WDFY4: variants seen among roughly 807,000 people sequenced by gnomAD.
WDFY4 encodes the protein WD repeat- and FYVE domain-containing protein 4.
In WDFY4, 169 loss-of-function variants were observed where a neutral mutation model predicts 351.9. That is an observed-to-expected ratio of 0.48 (90% CI 0.42 to 0.55). The LOEUF is 0.55. WDFY4 is among the 20% of genes least tolerant of loss of function. WDFY4 has a pLI of 0.00. For missense variants in WDFY4, 3,803 were observed against 3,935.6 expected (o/e 0.97, Z 0.90); for synonymous variants, 1,622 against 1,574.6 (o/e 1.03, Z -0.71).
At chr10:48,934,743 A>G (rs939897634) in intron 47 of WDFY4, among the ~76,000 whole-genome samples, 1 of 152,200 alleles carries the variant, frequency 6.6e-6, no homozygotes, top group Non-Finnish European at 1.5e-5. Context: ...AAGCAGTCAC[A>G]GCTTAGTTTC....
Position 48,943,428 on chromosome 10 carries a change from C to T in WDFY4, c.7728C>T (p.Val2576=). The change falls in exon 49 of 62, where the codon GTC becomes GTT. Residue 2576 remains valine (V), a synonymous_variant. Transcript: ENST00000325239. ...TGCAGTACCCAGTGTTCCCCTGGGTCCTCGCAGACTACACCTCAGAGGTAA... is the reference window on the plus strand; with the variant it reads ...TGCAGTACCCAGTGTTCCCCTGGGTTCTCGCAGACTACACCTCAGAGGTAA... ...DYMQYPVFPW[V]LADYTSETLN... 3.2e-6 allele frequency: 5 copies of T among 1,551,850 alleles called. No individual in the cohort carries two copies. The highest frequency in any genetic ancestry group is 4.4e-6 in the Non-Finnish European group (5 of 1,146,988).
At chr10:48,760,584 T>A in intron 13 of WDFY4, 144 bp downstream of exon 13, 1 of 781,154 alleles carries the variant, frequency 1.3e-6, no homozygotes, top group Non-Finnish European at 2.1e-6. Flanking sequence ...ACACCTATAG[T>A]GGGAAAGTAC....
intron 2 of WDFY4, among the ~76,000 whole-genome samples, chr10:48,717,771 T>C (rs1469557375): frequency 6.6e-6 from 1 of 152,266 alleles, no homozygotes; most frequent in Non-Finnish European, 1.5e-5. Context: ...TATCCTATTA[T>C]ATAAATATAC....
intron 43 of WDFY4, among the ~76,000 whole-genome samples, chr10:48,879,267 G>T (rs1200619445): frequency 6.6e-6 from 1 of 152,188 alleles, no homozygotes; most frequent in African/African-American, 2.4e-5. Flanking sequence ...ATTTTTAATT[G>T]CCATGGCCAG....
At chr10:48,724,929 T>C (rs1434897053) in intron 5 of WDFY4, among the ~76,000 whole-genome samples, 1 of 152,200 alleles carries the variant, frequency 6.6e-6, no homozygotes, top group Non-Finnish European at 1.5e-5. Flanking sequence ...TGGGCAATGA[T>C]GGTGACAGGC....
intron 23 of WDFY4, among the ~76,000 whole-genome samples, chr10:48,791,891 C>G (rs1315373935): frequency 6.6e-6 from 1 of 152,216 alleles, no homozygotes; most frequent in Non-Finnish European, 1.5e-5. Flanking sequence ...CACAGCTGGA[C>G]AGTAACCCCT....
chr10:48,890,212 G>A (rs1468422579), intron 43 of WDFY4, among the ~76,000 whole-genome samples: 1 of 152,224 alleles, frequency 6.6e-6, no homozygotes, highest in Admixed American at 6.5e-5. Context: ...GTAACTGAGC[G>A]ATGTCTTGTA....
intron 36 of WDFY4, 49 bp downstream of exon 36, chr10:48,826,958 A>G (rs554858007): frequency 2.1e-5 from 31 of 1,473,886 alleles, no homozygotes; most frequent in African/African-American, 2.0e-4. Flanking sequence ...CCATGCAGAA[A>G]GGAGAGATTT....
chr10:48,930,783 A>G (rs1238484779), intron 47 of WDFY4, among the ~76,000 whole-genome samples: 2 of 150,568 alleles, frequency 1.3e-5, no homozygotes, highest in Admixed American at 1.3e-4. Context: ...ATAAACAGAA[A>G]CTAAAACAAA....
At chr10:48,711,620 TTTGAGAGTTCATTTGTTTG>T (rs1315545130) in intron 2 of WDFY4, among the ~76,000 whole-genome samples, 1 of 152,162 alleles carries the variant, frequency 6.6e-6, no homozygotes, top group Non-Finnish European at 1.5e-5. Flanking sequence ...CTGATGTTTA[TTTGAGAGTTCATTTGTTTG>T]TTGCACCAAT....
intron 47 of WDFY4, chr10:48,932,337 A>T (rs1217805860): frequency 6.6e-6 from 1 of 152,214 alleles, no homozygotes. Flanking sequence ...CAGATGGAGG[A>T]GTTGGAGAAC....
intron 47 of WDFY4, among the ~76,000 whole-genome samples, chr10:48,908,127 C>T (rs987090284): frequency 2.2e-4 from 33 of 152,308 alleles, no homozygotes; most frequent in Non-Finnish European, 3.1e-4. Context: ...TATCCTTAGC[C>T]GTAACCTCAG....
intron 12 of WDFY4, among the ~76,000 whole-genome samples, chr10:48,750,655 CTTAT>C (rs1322781813): frequency 3.3e-5 from 5 of 152,228 alleles, no homozygotes; most frequent in Admixed American, 3.3e-4. Flanking sequence ...TCCTTGGTTT[CTTAT>C]TTCTTTGGTT....
In WDFY4 at chr10:48,970,250, C is replaced by T. The variant is rs1465372900; in HGVS notation, c.8889C>T (p.Ser2963=). ...TSTVVCVWEL[S]MTKGRPRGLR... Reference sequence around the variant, plus strand: ...CTGTGGTGTGTGTGTGGGAGCTCAGCATGACCAAAGGCCGCCCGAGGGGCT... The same window carrying T: ...CTGTGGTGTGTGTGTGGGAGCTCAGTATGACCAAAGGCCGCCCGAGGGGCT... Residue 2963 remains serine (S), a synonymous_variant, in exon 57 of 62, where the codon AGC becomes AGT. Coordinates refer to ENST00000325239, the MANE Select transcript of WDFY4 (RefSeq NM_001394531.1). 4 of 1,551,628 alleles carry T rather than the reference C, an allele frequency of 2.6e-6. No individual in the cohort carries two copies. The highest frequency in any genetic ancestry group is 2.6e-6 in the Non-Finnish European group (3 of 1,146,992).
At chr10:48,858,327 T>C (rs2069212638) in intron 39 of WDFY4, among the ~76,000 whole-genome samples, 1 of 152,228 alleles carries the variant, frequency 6.6e-6, no homozygotes, top group Non-Finnish European at 1.5e-5. Flanking sequence ...AAAGATTTTT[T>C]CCTAAAATAT....
rs113045717 is a variant in WDFY4 at position 48,735,772 on chromosome 10, T to C, written c.1688-108T>C. ...CAGTGAGCAAAAGAGAAACAAAAAA[T>C]AGCAAAATGAAGTTTGAAAATTATA... On this transcript the variant is annotated intron_variant, in intron 10 of 61. Transcript: ENST00000325239. 5,909 of 1,167,500 alleles carry C rather than the reference T, an allele frequency of 5.1e-3. 222 individuals carry two copies. The African/African-American group carries it at 0.077, about 15-fold the overall frequency. The allele number at this position is 1,167,500 out of a possible 1,614,324, so 72.3% of individuals were successfully genotyped here.
intron 44 of WDFY4, among the ~76,000 whole-genome samples, chr10:48,895,653 A>G (rs766104124): frequency 6.6e-6 from 1 of 152,246 alleles, no homozygotes; most frequent in Non-Finnish European, 1.5e-5. Flanking sequence ...GATGATGAAA[A>G]GCTTCATATG....
At chr10:48,977,050 C>G in intron 59 of WDFY4, 71 bp downstream of exon 59, 1 of 1,296,784 alleles carries the variant, frequency 7.7e-7, no homozygotes. Context: ...CTCACTTCCT[C>G]CAGGGGGCCA....
chr10:48,891,834 A>C (rs1049673990), intron 44 of WDFY4, among the ~76,000 whole-genome samples: 1 of 152,208 alleles, frequency 6.6e-6, no homozygotes, highest in African/African-American at 2.4e-5. Flanking sequence ...AAGAACTTTA[A>C]CTTCCAGTTG....
Sources: allele counts gnomAD v4.1 joint callset (sites outside exome capture counted in the v4.1 genomes callset), GRCh38; gene constraint gnomAD v4.1.1; transcripts MANE v1.5; gene names NCBI Gene and HGNC (gene_info 2026-07-23, HGNC 2026-07-21).